Variants in UGT2B11 observed in about 807,000 individuals in gnomAD.
UGT2B11 encodes UDP glucuronosyltransferase family 2 member B11, also known as UDP-glucuronosyltransferase 2B11.
In UGT2B11, 49 loss-of-function variants were observed where a neutral mutation model predicts 51.7. The ratio of observed to expected loss-of-function variants is 0.95; its 90% CI spans 0.75 to 1.20. UGT2B11 has a LOEUF of 1.20. Among genes scored for constraint, UGT2B11 ranks in the 50% most tolerant of loss-of-function variants. The probability of loss-of-function intolerance (pLI) is 0.00; values close to 1 mark genes in which losing one functional copy is unlikely to be tolerated. For synonymous variants in UGT2B11, 273 were observed against 209.0 expected, an observed-to-expected ratio of 1.31 and a Z score of -2.64; for missense variants, 810 against 622.1, an observed-to-expected ratio of 1.30 and a Z score of -3.21.
intron 5 of UGT2B11, among the ~76,000 whole-genome samples, chr4:69,203,152 C>T (rs1007863076): frequency 5.9e-5 from 9 of 151,546 alleles, no homozygotes; most frequent in African/African-American, 2.2e-4. Context: ...ATAAATAGTT[C>T]TTAAAACTTA....
intron 5 of UGT2B11, chr4:69,201,393 A>C (rs1361058813): frequency 6.6e-6 from 1 of 151,870 alleles, no homozygotes; most frequent in Non-Finnish European, 1.5e-5. Context: ...ATGTCAGACT[A>C]TGGCACTCTT....
Position 69,200,410 on chromosome 4 carries a change from T to G in UGT2B11, c.*30A>C. 1 of 1,589,892 alleles carries G rather than the reference T, an allele frequency of 6.3e-7. No homozygotes were observed. The highest frequency in any genetic ancestry group is 8.6e-7 in the Non-Finnish European group (1 of 1,166,900). ...ATAAACTGAAGTTGTCCTATCTATC[T>G]GGTTTTCCAGCTTCAAATGTCAGAC... On this transcript the variant is annotated 3_prime_UTR_variant, in exon 6 of 6. Coordinates refer to ENST00000446444, the MANE Select transcript of UGT2B11 (RefSeq NM_001073.3).
chr4:69,202,537 G>C (rs1013743816), intron 5 of UGT2B11, among the ~76,000 whole-genome samples: 6 of 151,426 alleles, frequency 4.0e-5, no homozygotes, highest in Non-Finnish European at 5.9e-5. Context: ...TTAAATATTT[G>C]ACGTACTCTA....
At chr4:69,207,425 C>T (rs1721898374) in intron 3 of UGT2B11, among the ~76,000 whole-genome samples, 1 of 151,656 alleles carries the variant, frequency 6.6e-6, no homozygotes, top group Admixed American at 6.6e-5. Context: ...TTCACAAATA[C>T]ACAAAGGTCC....
chr4:69,218,736 A>G (rs1722336029), upstream of UGT2B11, among the ~76,000 whole-genome samples: 1 of 152,096 alleles, frequency 6.6e-6, no homozygotes, highest in African/African-American at 2.4e-5. Context: ...AAGCTATGAC[A>G]TTACAGAGTA....
intron 1 of UGT2B11, among the ~76,000 whole-genome samples, chr4:69,213,648 A>T (rs1257664939): frequency 1.3e-5 from 2 of 151,872 alleles, no homozygotes; most frequent in Non-Finnish European, 2.9e-5. Context: ...GTAATTACTC[A>T]TTCTATATCT....
the UGT2B11 span, among the ~76,000 whole-genome samples, chr4:69,221,617 G>C: frequency 6.6e-6 from 1 of 152,232 alleles, no homozygotes; most frequent in African/African-American, 2.4e-5. Context: ...AGAAAGGCAT[G>C]TGAAAGAGCA....
Position 69,204,554 on chromosome 4 carries a change from A to T in UGT2B11, c.1186T>A (p.Phe396Ile). The change falls in exon 5 of 6, where the codon TTT (phenylalanine) becomes ATT (isoleucine). Residue 396 changes from phenylalanine to isoleucine, a missense_variant. Physicochemically the swap from Phe to Ile is conservative, Grantham distance 21. Transcript: ENST00000446444. Reference sequence around the variant, plus strand: ...GCAATGTTATCAGGTTGATCAAAAAACAATGGAATGCCCACCATAGGGATC... The same window carrying T: ...GCAATGTTATCAGGTTGATCAAAAATCAATGGAATGCCCACCATAGGGATC... ...HGIPMVGIPLFFDQPDNIAHM... is the reference protein window; with the variant it reads ...HGIPMVGIPLIFDQPDNIAHM... 2.5e-6 allele frequency: 4 copies of T among 1,612,334 alleles called. No individual in the cohort carries two copies. Among genetic ancestry groups the T allele is most frequent in the Non-Finnish European group, 3.4e-6 (4 of 1,178,888 alleles).
At chr4:69,202,504 C>T (rs1187293753) in intron 5 of UGT2B11, among the ~76,000 whole-genome samples, 4 of 151,540 alleles carry the variant, frequency 2.6e-5, no homozygotes, top group Admixed American at 6.6e-5. Flanking sequence ...TTATTGCCCA[C>T]CACACATCAC....
At chr4:69,206,262 G>A (rs891763485) in intron 3 of UGT2B11, among the ~76,000 whole-genome samples, 1 of 151,064 alleles carries the variant, frequency 6.6e-6, no homozygotes, top group African/African-American at 2.4e-5. Context: ...AAGAAAATAT[G>A]GCATATATAC....
chr4:69,202,498 T>C (rs1222736664), intron 5 of UGT2B11, among the ~76,000 whole-genome samples: 8 of 151,702 alleles, frequency 5.3e-5, no homozygotes. Context: ...CTTGATTTAT[T>C]GCCCACCACA....
intron 2 of UGT2B11, among the ~76,000 whole-genome samples, chr4:69,212,215 G>A (rs1364511286): frequency 4.6e-5 from 7 of 151,466 alleles, no homozygotes; most frequent in African/African-American, 1.7e-4. Context: ...GACGGAAACT[G>A]TGTCTATTTT....
rs772297237 is a variant in UGT2B11, at chr4:69,214,486, T to A, written c.237A>T (p.Thr79=). 37 of 1,613,130 alleles carry A rather than the reference T, an allele frequency of 2.3e-5. No individual in the cohort carries two copies. The South Asian group carries it at 4.0e-4, about 17-fold the overall frequency. ...TCTCAAATTCAGTTTTAGTTAAAGA[T>A]GTAGGATAAACTTCAAATTTAAGAG... The part of the protein sequence containing the change: ...ASTLKFEVYP[T]SLTKTEFENI... Residue 79 remains threonine, a synonymous_variant, in exon 1 of 6, where the codon ACA becomes ACT. Coordinates refer to ENST00000446444, the MANE Select transcript of UGT2B11 (RefSeq NM_001073.3).
At chr4:69,205,399 C>A (rs1180185995) in intron 4 of UGT2B11, 81 bp downstream of exon 4, 2 of 1,534,926 alleles carry the variant, frequency 1.3e-6, no homozygotes, top group Admixed American at 3.9e-5. Flanking sequence ...TTTCCTATAA[C>A]AAATATTCAA....
chr4:69,216,149 C>G (rs191301647), upstream of UGT2B11: 35 of 152,076 alleles, frequency 2.3e-4, no homozygotes, highest in East Asian at 6.8e-3. Flanking sequence ...GTTTAACAGA[C>G]TAAGCTGTTC....
chr4:69,215,075 T>G, upstream of UGT2B11: 1 of 185,370 alleles, frequency 5.4e-6, no homozygotes, highest in East Asian at 1.4e-4. Context: ...GATTGTACAA[T>G]GCAAACAGCA....
the UGT2B11 span, among the ~76,000 whole-genome samples, chr4:69,224,331 T>A: frequency 0.056 from 8,476 of 152,050 alleles, 283 homozygotes; most frequent in South Asian, 0.095. Context: ...GAAATCTGGG[T>A]GACTAGAATG....
chr4:69,213,584 T>A (rs1374961175), intron 1 of UGT2B11, among the ~76,000 whole-genome samples: 2 of 145,000 alleles, frequency 1.4e-5, no homozygotes, highest in African/African-American at 2.5e-5. Flanking sequence ...ATAAGAAAAC[T>A]GAGATTTACA....
chr4:69,203,532 A>C (rs1239847170), intron 5 of UGT2B11, among the ~76,000 whole-genome samples: 2 of 151,804 alleles, frequency 1.3e-5, no homozygotes, highest in Non-Finnish European at 2.9e-5. Flanking sequence ...ATATTTATGC[A>C]AAAACAAGTA....
Sources: allele counts gnomAD v4.1 joint callset (sites outside exome capture counted in the v4.1 genomes callset), GRCh38; gene constraint gnomAD v4.1.1; transcripts MANE v1.5; gene names NCBI Gene and HGNC (gene_info 2026-07-23, HGNC 2026-07-21).